The following CACHD1 variants were observed in gnomAD, a reference collection of about 807,000 sequenced individuals.
The protein encoded by CACHD1 is VWFA and cache domain-containing protein 1.
A neutral mutation model predicts 138.7 loss-of-function variants in CACHD1; 71 were observed. The observed-to-expected ratio is 0.51, with a 90% CI of 0.42 to 0.62. The LOEUF is 0.62. Ranked by LOEUF, CACHD1 falls within the 20% of genes least tolerant of loss-of-function variation. The probability of loss-of-function intolerance (pLI) is 0.00; values close to 1 mark genes in which losing one functional copy is unlikely to be tolerated. For missense variants in CACHD1, 1,389 were observed against 1,625.3 expected (o/e 0.85, Z 2.50); for synonymous variants, 578 against 591.5 (o/e 0.98, Z 0.33).
At position 64,486,425 on chromosome 1, in the gene CACHD1, C is replaced by T. The variant is rs1233535098; in HGVS notation, c.198+15483C>T. Among the ~76,000 whole-genome samples the T allele has an allele frequency of 3.9e-5, 6 of 151,916 alleles. No individual in the cohort carries two copies. The East Asian group carries it at 1.2e-3, about 29-fold the overall frequency. ...ACACACACACACATACACACACACA[C>T]GTATTCAGATGTGTTTTTTATCTTC... is the stretch of plus-strand genomic sequence containing the variant. On this transcript the variant is annotated intron_variant, in intron 1 of 26. Transcript: ENST00000651257.
At chr1:64,598,125 G>A (rs1024236444) in intron 3 of CACHD1, among the ~76,000 whole-genome samples, 7 of 152,090 alleles carry the variant, frequency 4.6e-5, no homozygotes, top group Admixed American at 3.3e-4. Context: ...CAGAAAAAGC[G>A]GCAGGCATTG....
intron 1 of CACHD1, among the ~76,000 whole-genome samples, chr1:64,525,033 G>A (rs983553324): frequency 6.6e-6 from 1 of 152,080 alleles, no homozygotes; most frequent in Non-Finnish European, 1.5e-5. Flanking sequence ...CTATTTCTTT[G>A]TACCTCCATA....
At chr1:64,634,867 T>G (rs1170213187) in intron 7 of CACHD1, among the ~76,000 whole-genome samples, 2 of 151,518 alleles carry the variant, frequency 1.3e-5, no homozygotes, top group African/African-American at 2.4e-5. Flanking sequence ...ATGGTGGTGG[T>G]TGCCTGTAGT....
At chr1:64,642,511 T>C (rs1253905128) in intron 8 of CACHD1, among the ~76,000 whole-genome samples, 1 of 152,194 alleles carries the variant, frequency 6.6e-6, no homozygotes, top group Non-Finnish European at 1.5e-5. Flanking sequence ...AAACAACTTA[T>C]TAAAATGGAT....
intron 1 of CACHD1, among the ~76,000 whole-genome samples, chr1:64,479,694 G>A (rs1336887379): frequency 6.6e-6 from 1 of 151,892 alleles, no homozygotes; most frequent in African/African-American, 2.4e-5. Context: ...AAGTGTCTGG[G>A]GTAGATCTTT....
intron 4 of CACHD1, among the ~76,000 whole-genome samples, chr1:64,620,122 C>T (rs954680458): frequency 6.6e-6 from 1 of 151,972 alleles, no homozygotes; most frequent in African/African-American, 2.4e-5. Flanking sequence ...CTGGCAGCAC[C>T]ATATCTTATC....
chr1:64,579,290 G>A (rs1207466389), intron 2 of CACHD1, among the ~76,000 whole-genome samples: 1 of 152,202 alleles, frequency 6.6e-6, no homozygotes, highest in Non-Finnish European at 1.5e-5. Flanking sequence ...CAGTGGACCA[G>A]ATTGGAATAT....
chr1:64,506,091 A>C (rs1646374137), intron 1 of CACHD1: 1 of 152,206 alleles, frequency 6.6e-6, no homozygotes, highest in Admixed American at 6.5e-5. Context: ...TGGTGTGTGG[A>C]GGAACTGCCC....
intron 1 of CACHD1, chr1:64,505,778 C>G (rs1310162788): frequency 7.0e-6 from 1 of 142,730 alleles, no homozygotes; most frequent in Non-Finnish European, 1.5e-5. Flanking sequence ...CCCGGTCTGC[C>G]TTCTCCCTGA....
At position 64,682,071 on chromosome 1, in the gene CACHD1, G is replaced by A. The variant is rs371669378; in HGVS notation, c.3551G>A (p.Arg1184His). Residue 1184 changes from arginine to histidine, a missense_variant, in exon 26 of 27, where the codon CGC becomes CAC. This residue lies in a region of CACHD1 where 250 missense variants were observed against 292.9 expected (regional missense o/e 0.85). Transcript: ENST00000651257. ...RHAHSPERRR[R>H]YWGRSGTESD... Reference sequence around the variant, plus strand: ...GCACACAGTCCAGAAAGAAGGCGCCGCTACTGGGGTCGATCAGGAACAGAA... The same window carrying A: ...GCACACAGTCCAGAAAGAAGGCGCCACTACTGGGGTCGATCAGGAACAGAA... 9.3e-6 allele frequency: 15 copies of A among 1,613,912 alleles called. No homozygotes were observed. Among genetic ancestry groups the A allele is most frequent in the African/African-American group, 1.3e-5 (1 of 74,896 alleles).
Position 64,526,371 on chromosome 1 carries a change from G to T in CACHD1, c.199-24223G>T, listed in dbSNP as rs528035899. Among the ~76,000 whole-genome samples the T allele has an allele frequency of 1.3e-4, 19 of 151,946 alleles. No homozygotes were observed. The East Asian group carries it at 2.7e-3, about 22-fold the overall frequency. ...ATTCATGTCTACCCAAATCTGTGGG[G>T]CCATTAGGACTGCAAGTGCCTTTTT... On this transcript the variant is annotated intron_variant, in intron 1 of 26. Coordinates refer to ENST00000651257, the MANE Select transcript of CACHD1 (RefSeq NM_020925.4).
intron 3 of CACHD1, among the ~76,000 whole-genome samples, chr1:64,584,106 A>G (rs1473872401): frequency 6.6e-6 from 1 of 152,202 alleles, no homozygotes; most frequent in African/African-American, 2.4e-5. Flanking sequence ...GGCAGGAAGA[A>G]CAGATAGTAA....
chr1:64,519,699 G>GTTTTAGTTAGTCTTATGACGAGCACGATA (rs1646484150), intron 1 of CACHD1, among the ~76,000 whole-genome samples: 1 of 152,254 alleles, frequency 6.6e-6, no homozygotes, highest in Non-Finnish European at 1.5e-5. Context: ...AAAACTTGAT[G>GTTTTAGTTAGTCTTATGACGAGCACGATA]TTTTAGTTAG....
At chr1:64,639,264 A>G (rs1290788627) in intron 7 of CACHD1, among the ~76,000 whole-genome samples, 1 of 152,198 alleles carries the variant, frequency 6.6e-6, no homozygotes, top group Non-Finnish European at 1.5e-5. Context: ...CCCTCCAACT[A>G]GGGACTCAAG....
intron 4 of CACHD1, among the ~76,000 whole-genome samples, chr1:64,620,671 G>T (rs1194845811): frequency 1.3e-5 from 2 of 152,086 alleles, no homozygotes; most frequent in Non-Finnish European, 2.9e-5. Flanking sequence ...ATCATGGAAG[G>T]TATGAGACCT....
chr1:64,551,801 C>T (rs986619681), intron 2 of CACHD1, among the ~76,000 whole-genome samples: 1 of 152,098 alleles, frequency 6.6e-6, no homozygotes, highest in Non-Finnish European at 1.5e-5. Flanking sequence ...TATAAATAGT[C>T]ATGTATATGT....
At chr1:64,656,326 G>T (rs1365589656) in intron 12 of CACHD1, among the ~76,000 whole-genome samples, 1 of 152,094 alleles carries the variant, frequency 6.6e-6, no homozygotes, top group Non-Finnish European at 1.5e-5. Context: ...CTTATTTTCA[G>T]ATTTTTCTTT....
intron 1 of CACHD1, among the ~76,000 whole-genome samples, chr1:64,522,716 A>G (rs929612533): frequency 6.6e-6 from 1 of 152,144 alleles, no homozygotes; most frequent in African/African-American, 2.4e-5. Flanking sequence ...AATTTTTTCA[A>G]AAGAAACTTA....
At chr1:64,480,872 T>TTC (rs1181186524) in intron 1 of CACHD1, among the ~76,000 whole-genome samples, 4 of 151,614 alleles carry the variant, frequency 2.6e-5, no homozygotes, top group Non-Finnish European at 5.9e-5. Flanking sequence ...AGTTGTTTCT[T>TTC]TCTCTCTCTC....
Sources: gnomAD v4.1 joint callset for allele counts (sites outside exome capture counted in the v4.1 genomes callset) on GRCh38, gnomAD v4.1.1 for gene constraint, gnomAD v4.1.1 regional missense constraint, MANE v1.5 for transcripts, NCBI Gene and HGNC (gene_info 2026-07-23, HGNC 2026-07-21) for gene names.